The following SKOR2 variants were observed in gnomAD, a reference collection of about 807,000 sequenced individuals.
SKOR2 encodes LBX1 corepressor 1-like protein.
Under a neutral mutation model 69.1 loss-of-function variants are expected in SKOR2, and 47 were observed. The ratio of observed to expected loss-of-function variants is 0.68; its 90% CI spans 0.54 to 0.87. The LOEUF is 0.87. Ranked by LOEUF, SKOR2 falls within the 40% of genes least tolerant of loss-of-function variation. The pLI is 0.00. For missense variants in SKOR2, 1,404 were observed against 1,472.2 expected, an observed-to-expected ratio of 0.95 and a Z score of 0.76; for synonymous variants, 717 against 672.6, an observed-to-expected ratio of 1.07 and a Z score of -1.02.
rs535134435 is a variant in SKOR2 at position 47,209,577 on chromosome 18, T to C, written c.*3+2509A>G. ...GAGAAATCCCTGTTGTCTGCAAGGA[T>C]GGAAACAAAATCAGCATGGAGGAAG... On this transcript the variant is annotated intron_variant, in intron 8 of 8. Transcript: ENST00000425639. Among the ~76,000 whole-genome samples, 302 of 152,276 alleles carry C rather than the reference T, an allele frequency of 2.0e-3. 1 individual carries two copies. Among genetic ancestry groups the C allele is most frequent in the Non-Finnish European group, 3.6e-3 (246 of 68,026 alleles).
intron 7 of SKOR2, among the ~76,000 whole-genome samples, chr18:47,214,081 A>G (rs945754506): frequency 5.9e-5 from 9 of 152,190 alleles, no homozygotes; most frequent in African/African-American, 2.2e-4. Flanking sequence ...CTCAACATCA[A>G]CATTAGACAC....
chr18:47,222,042 C>T (rs1417650937), intron 6 of SKOR2, among the ~76,000 whole-genome samples: 1 of 152,070 alleles, frequency 6.6e-6, no homozygotes. Context: ...GATGACAGGC[C>T]GAGTGTGGTG....
intron 8 of SKOR2, 85 bp downstream of exon 8, chr18:47,212,000 CT>C: frequency 1.7e-6 from 2 of 1,176,318 alleles, no homozygotes; most frequent in Non-Finnish European, 1.1e-6. Flanking sequence ...ATCCCTTGGG[CT>C]ATTTCAAACA....
intron 7 of SKOR2, among the ~76,000 whole-genome samples, chr18:47,218,902 G>T (rs1376587339): frequency 6.6e-6 from 1 of 152,224 alleles, no homozygotes; most frequent in Non-Finnish European, 1.5e-5. Flanking sequence ...ACTGAGAGTT[G>T]TTAACGATCA....
chr18:47,231,042 C>A, intron 4 of SKOR2, 42 bp from the exon 5 acceptor site: 7 of 1,534,818 alleles, frequency 4.6e-6, no homozygotes, highest in Non-Finnish European at 6.1e-6. Context: ...TTTGTGTAGG[C>A]TAGTTCTGTA....
In SKOR2 at chr18:47,247,859, G is replaced by T. The variant is rs911733463; in HGVS notation, c.1325C>A (p.Ala442Glu). The T allele has an allele frequency of 1.3e-5, 18 of 1,358,370 alleles. No individual in the cohort carries two copies. Among genetic ancestry groups the T allele is most frequent in the Middle Eastern group, 4.8e-4 (2 of 4,186 alleles). The allele number at this position is 1,358,370 out of a possible 1,614,324, so 84.1% of individuals were successfully genotyped here. The change falls in exon 2 of 9, where the codon GCG becomes GAG. Residue 442 changes from alanine to glutamate, a missense_variant. Ala to Glu is a moderately radical substitution (Grantham distance 107). Coordinates refer to ENST00000425639, the MANE Select transcript of SKOR2 (RefSeq NM_001278063.4). The surrounding 1 kb of genome is among the most constrained non-coding windows in gnomAD (Gnocchi z 6.6). ...EALGGAGAGGAGAAPKAGLSG... is the reference protein window; with the variant it reads ...EALGGAGAGGEGAAPKAGLSG... ...CAAGCCGGCCTTGGGCGCCGCGCCC[G>T]CGCCGCCTGCGCCCGCGCCCCCCAG...
chr18:47,246,252 G>A (rs2064272365), intron 2 of SKOR2, among the ~76,000 whole-genome samples: 1 of 152,164 alleles, frequency 6.6e-6, no homozygotes, highest in Non-Finnish European at 1.5e-5. Flanking sequence ...CTCAGTTGGA[G>A]GGCAAAGGGG....
intron 2 of SKOR2, among the ~76,000 whole-genome samples, chr18:47,246,211 T>C (rs980734335): frequency 1.3e-5 from 2 of 152,168 alleles, no homozygotes; most frequent in Non-Finnish European, 2.9e-5. Context: ...TCCGGTGTTG[T>C]GGTCTTGCTC....
intron 4 of SKOR2, among the ~76,000 whole-genome samples, chr18:47,242,418 C>A (rs2064253133): frequency 6.6e-6 from 1 of 151,988 alleles, no homozygotes; most frequent in Admixed American, 6.6e-5. Flanking sequence ...TGAATGTTAG[C>A]TGTTAAATGC....
chr18:47,245,108 T>C, intron 3 of SKOR2, 126 bp from the exon 4 acceptor site: 1 of 741,918 alleles, frequency 1.3e-6, no homozygotes, highest in Admixed American at 2.9e-5. Flanking sequence ...AGCTATTAAC[T>C]CCAAGGAGAA....
intron 3 of SKOR2, 66 bp from the exon 4 acceptor site, chr18:47,245,048 A>ATTT: frequency 1.4e-4 from 154 of 1,130,564 alleles, no homozygotes; most frequent in South Asian, 2.1e-4. Context: ...CAAAGATCCA[A>ATTT]TTTTTTTTTT....
In SKOR2 at chr18:47,245,001, A is replaced by C; in HGVS notation, c.2678-19T>G. On this transcript the variant is annotated intron_variant, in intron 3 of 8. Transcript: ENST00000425639. ...TTCTTATCTAGAACCAAAACAAAAC[A>C]CAAAATCTGCAAGTGATCCAACTGA... 1 of 1,530,352 alleles carries C rather than the reference A, an allele frequency of 6.5e-7. No individual in the cohort carries two copies. Among genetic ancestry groups the C allele is most frequent in the Non-Finnish European group, 8.7e-7 (1 of 1,144,184 alleles). The allele number at this position is 1,530,352 out of a possible 1,614,324, so 94.8% of individuals were successfully genotyped here. A position where few individuals can be genotyped will look rare whatever the true frequency, so the allele number is the denominator to read the frequency against.
chr18:47,241,925 A>G (rs1156416767), intron 4 of SKOR2, among the ~76,000 whole-genome samples: 1 of 152,158 alleles, frequency 6.6e-6, no homozygotes, highest in Non-Finnish European at 1.5e-5. Flanking sequence ...GACTAGCAAT[A>G]TTTCAATAGT....
At chr18:47,245,021 A>C in intron 3 of SKOR2, 39 bp from the exon 4 acceptor site, 1 of 1,515,298 alleles carries the variant, frequency 6.6e-7, no homozygotes, top group Non-Finnish European at 8.8e-7. Context: ...CAAGTGATCC[A>C]ACTGACAAGA....
chr18:47,222,427 A>T (rs1240033788), intron 6 of SKOR2, among the ~76,000 whole-genome samples: 2 of 152,134 alleles, frequency 1.3e-5, no homozygotes, highest in Non-Finnish European at 2.9e-5. Flanking sequence ...ATTTTGATTT[A>T]CACCAGTAAC....
chr18:47,237,606 T>C (rs2064229716), intron 4 of SKOR2, among the ~76,000 whole-genome samples: 1 of 152,302 alleles, frequency 6.6e-6, no homozygotes, highest in Middle Eastern at 3.4e-3. Context: ...ATGAAACTTT[T>C]GCCATTTGAA....
intron 8 of SKOR2, among the ~76,000 whole-genome samples, chr18:47,211,589 T>G (rs1445424654): frequency 6.6e-6 from 1 of 152,166 alleles, no homozygotes; most frequent in Non-Finnish European, 1.5e-5. Flanking sequence ...GAAACTATTA[T>G]TGGTTTAGGG....
In SKOR2 at chr18:47,249,160, C is replaced by G; in HGVS notation, c.24G>C (p.Gly8=). Residue 8 remains glycine, a synonymous_variant, in exon 2 of 9, where the codon GGG becomes GGC. Transcript: ENST00000425639. Reference sequence around the variant, plus strand: ...GCGACGCCAGCAGGATGTCGTTGGGCCCTGGCAGCGGACTGGAAGCCATCT... The same window carrying G: ...GCGACGCCAGCAGGATGTCGTTGGGGCCTGGCAGCGGACTGGAAGCCATCT... The part of the protein sequence containing the change: MASSPLP[G]PNDILLASPS... The G allele has an allele frequency of 6.5e-7, 1 of 1,535,246 alleles. No individual in the cohort carries two copies.
rs1048755021 is a variant in SKOR2, at chr18:47,247,914, T to C, written c.1270A>G (p.Lys424Glu). ...AAAAFSLCHK[K>E]EDAGAAAEAL... Reference sequence around the variant, plus strand: ...TCAGCGGCGGCACCCGCATCCTCTTTCTTATGGCACAAGCTGAAGGCGGCG... The same window carrying C: ...TCAGCGGCGGCACCCGCATCCTCTTCCTTATGGCACAAGCTGAAGGCGGCG... The change falls in exon 2 of 9, where the codon AAA becomes GAA. Residue 424 changes from lysine to glutamate, a missense_variant. By Grantham distance (56) the Lys-to-Glu change is moderately conservative. This residue lies in a region of SKOR2 where 1,266 missense variants were observed against 1,309.9 expected (regional missense o/e 0.97). Transcript: ENST00000425639. The surrounding 1 kb of genome is among the most constrained non-coding windows in gnomAD (Gnocchi z 6.6). The C allele has an allele frequency of 2.9e-6, 4 of 1,366,716 alleles. No individual in the cohort carries two copies. Among genetic ancestry groups the C allele is most frequent in the Non-Finnish European group, 3.7e-6 (4 of 1,067,522 alleles). The allele number at this position is 1,366,716 out of a possible 1,614,324, so 84.7% of individuals were successfully genotyped here.
Sources: gnomAD v4.1 joint callset for allele counts (sites outside exome capture counted in the v4.1 genomes callset) on GRCh38, gnomAD v4.1.1 for gene constraint, gnomAD v4.1.1 regional missense constraint, Gnocchi (gnomAD v3.1) non-coding constraint, MANE v1.5 for transcripts, NCBI Gene and HGNC (gene_info 2026-07-23, HGNC 2026-07-21) for gene names.